The following C2orf76 variants were observed in gnomAD, a reference collection of about 807,000 sequenced individuals.
C2orf76 encodes the protein chromosome 2 open reading frame 76.
C2orf76 carries 23 observed loss-of-function variants against 16.9 expected under a neutral mutation model. The observed-to-expected ratio is 1.36, with a 90% CI of 0.98 to 1.93. C2orf76 has a LOEUF of 1.93. Ranked by LOEUF, C2orf76 falls within the 30% of genes most tolerant of loss-of-function variation. C2orf76 has a pLI of 0.00. For synonymous variants in C2orf76, 48 were observed against 52.3 expected, an observed-to-expected ratio of 0.92 and a Z score of 0.35; for missense variants, 152 against 152.6, an observed-to-expected ratio of 1.00 and a Z score of 0.02.
intron 1 of C2orf76, chr2:119,366,528 G>C (rs962835525): frequency 2.1e-6 from 1 of 471,124 alleles, no homozygotes; most frequent in African/African-American, 2.0e-5. Context: ...CATCTCCGGG[G>C]GTCTCCTCTA....
intron 4 of C2orf76, among the ~76,000 whole-genome samples, chr2:119,315,902 G>T (rs1053997067): frequency 2.0e-5 from 3 of 152,114 alleles, no homozygotes; most frequent in Admixed American, 1.3e-4. Context: ...TTTTTTAAAT[G>T]TTATAATACT....
intron 1 of C2orf76, among the ~76,000 whole-genome samples, chr2:119,350,078 C>CCCG (rs1553449823): frequency 8.6e-6 from 1 of 115,828 alleles, no homozygotes; most frequent in African/African-American, 4.1e-5. Flanking sequence ...CGCCCCCCGC[C>CCCG]CCCCCACCGT....
intron 1 of C2orf76, chr2:119,366,351 A>T: frequency 2.2e-6 from 1 of 459,952 alleles, no homozygotes. Context: ...CCTGCCTTTA[A>T]CGCACCAGAT....
chr2:119,354,326 G>C (rs12104886), intron 1 of C2orf76, among the ~76,000 whole-genome samples: 2 of 152,284 alleles, frequency 1.3e-5, no homozygotes, highest in South Asian at 2.1e-4. Context: ...TTCGAGACCA[G>C]CCTGGCCAAC....
chr2:119,353,459 T>C (rs912190362), intron 1 of C2orf76, among the ~76,000 whole-genome samples: 4 of 151,970 alleles, frequency 2.6e-5, no homozygotes, highest in Non-Finnish European at 5.9e-5. Context: ...AACTCTTGGA[T>C]GGAGAACGAA....
intron 1 of C2orf76, among the ~76,000 whole-genome samples, chr2:119,346,353 C>A (rs1050763178): frequency 6.6e-6 from 1 of 152,144 alleles, no homozygotes; most frequent in Non-Finnish European, 1.5e-5. Flanking sequence ...CACAGCATAT[C>A]CATGTGTAAT....
At chr2:119,366,893 C>A (rs1017383362), upstream of C2orf76, 31 of 944,128 alleles carry the variant, frequency 3.3e-5, no homozygotes, top group Non-Finnish European at 4.5e-5. Context: ...ACGCCCCTAG[C>A]GCATAGCTGG....
intron 2 of C2orf76, 86 bp downstream of exon 2, chr2:119,339,741 A>G (rs1573662246): frequency 7.2e-7 from 1 of 1,393,938 alleles, no homozygotes; most frequent in Middle Eastern, 2.0e-4. Flanking sequence ...AAAGTACTTT[A>G]GGATTTGTTA....
At chr2:119,345,752 C>T (rs904057277) in intron 1 of C2orf76, among the ~76,000 whole-genome samples, 3 of 152,104 alleles carry the variant, frequency 2.0e-5, no homozygotes, top group African/African-American at 7.2e-5. Flanking sequence ...AGAATTACAG[C>T]TAAAAAGTAC....
At chr2:119,305,598 G>A (rs1678751868) in intron 5 of C2orf76, among the ~76,000 whole-genome samples, 1 of 152,076 alleles carries the variant, frequency 6.6e-6, no homozygotes, top group Admixed American at 6.5e-5. Context: ...AATCTTGGAA[G>A]CTGACATGTG....
At chr2:119,361,530 T>C (rs1157705884) in intron 1 of C2orf76, among the ~76,000 whole-genome samples, 2 of 152,218 alleles carry the variant, frequency 1.3e-5, no homozygotes, top group Non-Finnish European at 1.5e-5. Context: ...CAACTATTTA[T>C]ATAGCATTTA....
Position 119,348,015 on chromosome 2 carries a change from CCAGCCTGGGAAA to C in C2orf76, c.-12-8056_-12-8045del, listed in dbSNP as rs1295108710. 4.8e-5 allele frequency among the ~76,000 whole-genome samples: 7 copies of C among 144,656 alleles called. No homozygotes were observed. In the South Asian group the frequency reaches 1.5e-3, roughly 32 times the overall value. 94.9% of individuals were successfully genotyped at this position (144,656 alleles called of 152,430 possible). ...GTACTGTGCTCCACACCACTACTCT[CCAGCCTGGGAAA>C]CAGGACAAGGCTCTGTCTCAAAAAA... On this transcript the variant is annotated intron_variant, in intron 1 of 5. Coordinates refer to ENST00000334816, the MANE Select transcript of C2orf76 (RefSeq NM_001322331.2).
chr2:119,323,829 A>T (rs570676452), intron 2 of C2orf76, among the ~76,000 whole-genome samples: 1 of 152,236 alleles, frequency 6.6e-6, no homozygotes, highest in African/African-American at 2.4e-5. Flanking sequence ...ATGAGCCTGG[A>T]GTGGCCACAC....
intron 1 of C2orf76, among the ~76,000 whole-genome samples, chr2:119,363,181 T>C (rs972335509): frequency 6.6e-6 from 1 of 152,070 alleles, no homozygotes. Flanking sequence ...TCTCAGCACT[T>C]TGGGAGGCCG....
At chr2:119,346,549 T>C (rs1680207844) in intron 1 of C2orf76, among the ~76,000 whole-genome samples, 2 of 152,258 alleles carry the variant, frequency 1.3e-5, no homozygotes, top group Admixed American at 6.5e-5. Context: ...AAAGCTTGCA[T>C]ACTGTATAAT....
At chr2:119,321,094 G>T in intron 3 of C2orf76, 60 bp downstream of exon 3, 2 of 906,924 alleles carry the variant, frequency 2.2e-6, no homozygotes, top group Non-Finnish European at 3.2e-6. Context: ...ATTTAAGTTT[G>T]TAACAAACTA....
At chr2:119,339,641 T>G (rs1240473682) in intron 2 of C2orf76, among the ~76,000 whole-genome samples, 186 bp downstream of exon 2, 1 of 150,844 alleles carries the variant, frequency 6.6e-6, no homozygotes. Context: ...GACTATTCAG[T>G]GAGAATCCTT....
Position 119,321,853 on chromosome 2 carries a change from C to CATAT in C2orf76, c.134-653_134-650dup, listed in dbSNP as rs34104959. Among the ~76,000 whole-genome samples, 1,294 of 149,040 alleles carry CATAT rather than the reference C, an allele frequency of 8.7e-3. 9 individuals are homozygous for CATAT. Among genetic ancestry groups the CATAT allele is most frequent in the African/African-American group, 0.025 (1,002 of 40,718 alleles). On this transcript the variant is annotated intron_variant, in intron 2 of 5. Coordinates refer to ENST00000334816, the MANE Select transcript of C2orf76 (RefSeq NM_001322331.2). ...TATATACTAATACACTTGTGTGAGA[C>CATAT]ATATATATATATATATAGCTGATGT...
chr2:119,341,062 A>T (rs1286842088), intron 1 of C2orf76, among the ~76,000 whole-genome samples: 2 of 152,112 alleles, frequency 1.3e-5, no homozygotes. Context: ...CAGAGCAGTG[A>T]CTCGCACACA....
Sources: allele counts gnomAD v4.1 joint callset (sites outside exome capture counted in the v4.1 genomes callset), GRCh38; gene constraint gnomAD v4.1.1; transcripts MANE v1.5; gene names NCBI Gene and HGNC (gene_info 2026-07-23, HGNC 2026-07-21).